Variants in THSD7A observed in about 807,000 individuals in gnomAD.
The protein encoded by THSD7A is thrombospondin type-1 domain-containing protein 7A.
THSD7A carries 96 observed loss-of-function variants against 231.3 expected under a neutral mutation model. The ratio of observed to expected loss-of-function variants is 0.41; its 90% CI spans 0.35 to 0.49. The LOEUF (loss-of-function observed/expected upper bound fraction) is 0.49. Ranked by LOEUF, THSD7A falls within the 20% of genes least tolerant of loss-of-function variation. THSD7A has a pLI of 0.05. For missense variants in THSD7A, 2,290 were observed against 2,070.2 expected (o/e 1.11, Z -2.06); for synonymous variants, 940 against 743.3 (o/e 1.26, Z -4.30).
chr7:11,827,438 T>C (rs1275586249), intron 1 of THSD7A, among the ~76,000 whole-genome samples: 1 of 152,188 alleles, frequency 6.6e-6, no homozygotes, highest in Non-Finnish European at 1.5e-5. Flanking sequence ...ATTCCTTTCC[T>C]AGCCTTTCTA....
At chr7:11,776,012 AT>A (rs1174087076) in intron 1 of THSD7A, among the ~76,000 whole-genome samples, 3 of 152,170 alleles carry the variant, frequency 2.0e-5, no homozygotes, top group African/African-American at 7.2e-5. Flanking sequence ...AATAAATGAG[AT>A]TTGATATTCT....
At chr7:11,807,447 T>G (rs1784427540) in intron 1 of THSD7A, among the ~76,000 whole-genome samples, 1 of 152,100 alleles carries the variant, frequency 6.6e-6, no homozygotes, top group African/African-American at 2.4e-5. Flanking sequence ...ATTAATCAAG[T>G]AAAACCCTGC....
At chr7:11,709,755 G>A (rs1780889656) in intron 1 of THSD7A, among the ~76,000 whole-genome samples, 1 of 150,770 alleles carries the variant, frequency 6.6e-6, no homozygotes, top group South Asian at 2.1e-4. Flanking sequence ...CTTATATTTA[G>A]AAGGTAAATC....
intron 1 of THSD7A, among the ~76,000 whole-genome samples, chr7:11,770,992 A>G (rs1783208248): frequency 6.6e-6 from 1 of 151,390 alleles, no homozygotes; most frequent in Non-Finnish European, 1.5e-5. Context: ...TTTTTGATAC[A>G]TAGAAGACTA....
At chr7:11,511,045 G>A (rs922432940) in intron 6 of THSD7A, among the ~76,000 whole-genome samples, 2 of 152,128 alleles carry the variant, frequency 1.3e-5, no homozygotes, top group Non-Finnish European at 2.9e-5. Flanking sequence ...CATCGTCTCA[G>A]CCCAAAATCT....
At chr7:11,625,110 T>A (rs1311621680) in intron 2 of THSD7A, among the ~76,000 whole-genome samples, 1 of 152,116 alleles carries the variant, frequency 6.6e-6, no homozygotes, top group African/African-American at 2.4e-5. Context: ...CATCTCTGTT[T>A]CAGTATCTGT....
intron 24 of THSD7A, among the ~76,000 whole-genome samples, chr7:11,381,593 G>T (rs1240379597): frequency 6.6e-6 from 1 of 152,150 alleles, no homozygotes; most frequent in Non-Finnish European, 1.5e-5. Context: ...GGTCAAAACA[G>T]CAGCAAGTAA....
chr7:11,640,368 C>T (rs922844480), intron 1 of THSD7A, among the ~76,000 whole-genome samples: 6 of 152,046 alleles, frequency 3.9e-5, no homozygotes. Context: ...ACAAAATGTG[C>T]TTTTCCTTTA....
rs566698506 is a variant in THSD7A, at chr7:11,708,365, T to A, written c.191-71404A>T. 2.0e-5 allele frequency among the ~76,000 whole-genome samples: 3 copies of A among 150,762 alleles called. No homozygotes were observed. In the Admixed American group the frequency reaches 2.0e-4, roughly 10 times the overall value. On this transcript the variant is annotated intron_variant, in intron 1 of 27. Coordinates refer to ENST00000423059, the MANE Select transcript of THSD7A (RefSeq NM_015204.3). ...AAAGGTTTGAGAAAGTTTCCATATG[T>A]TTGTAAAACAAAATAACCATCAATG... is the stretch of plus-strand genomic sequence containing the variant.
chr7:11,610,526 A>C (rs1321658449), intron 2 of THSD7A, among the ~76,000 whole-genome samples: 1 of 152,120 alleles, frequency 6.6e-6, no homozygotes, highest in Non-Finnish European at 1.5e-5. Context: ...GATCCTACCC[A>C]CTACTCAATA....
At chr7:11,392,530 C>T (rs796935098) in intron 23 of THSD7A, among the ~76,000 whole-genome samples, 4 of 147,752 alleles carry the variant, frequency 2.7e-5, no homozygotes, top group Non-Finnish European at 4.6e-5. Flanking sequence ...CCAGCAGGAC[C>T]GAACTATTCA....
chr7:11,786,451 T>C (rs1263906146), intron 1 of THSD7A, among the ~76,000 whole-genome samples: 1 of 152,036 alleles, frequency 6.6e-6, no homozygotes, highest in Non-Finnish European at 1.5e-5. Flanking sequence ...TTAAGCCTGG[T>C]GGAGCAGCAC....
At chr7:11,388,850 C>T (rs919537651) in intron 23 of THSD7A, among the ~76,000 whole-genome samples, 2 of 151,248 alleles carry the variant, frequency 1.3e-5, no homozygotes, top group African/African-American at 4.8e-5. Context: ...TCATTGCTTT[C>T]AGAGAATATT....
In THSD7A at chr7:11,371,227, T is replaced by C. The variant is rs886624131; in HGVS notation, c.*4567A>G. Reference sequence around the variant, plus strand: ...GTCCCTGCTAGATATAAAATTATTATAACACACTGCAAACCATCCTTTTTA... The same window carrying C: ...GTCCCTGCTAGATATAAAATTATTACAACACACTGCAAACCATCCTTTTTA... On this transcript the variant is annotated 3_prime_UTR_variant, in exon 28 of 28. Coordinates refer to ENST00000423059, the MANE Select transcript of THSD7A (RefSeq NM_015204.3). 6.6e-6 allele frequency: 1 copy of C among 152,208 alleles called. No homozygotes were observed. The highest frequency in any genetic ancestry group is 1.5e-5 in the Non-Finnish European group (1 of 68,034). 9.4% of individuals were successfully genotyped at this position (152,208 alleles called of 1,614,324 possible). A position where few individuals can be genotyped will look rare whatever the true frequency, so the allele number is the denominator to read the frequency against.
chr7:11,714,179 G>GTGT (rs1204807769), intron 1 of THSD7A, among the ~76,000 whole-genome samples: 2 of 151,120 alleles, frequency 1.3e-5, no homozygotes, highest in African/African-American at 4.8e-5. Context: ...ACCTCTAAAT[G>GTGT]TGTTAATAAA....
chr7:11,810,365 C>T (rs927996068), intron 1 of THSD7A, among the ~76,000 whole-genome samples: 2 of 152,172 alleles, frequency 1.3e-5, no homozygotes, highest in Admixed American at 6.5e-5. Context: ...CTTGGCCCTT[C>T]CTTGCCCATC....
intron 16 of THSD7A, among the ~76,000 whole-genome samples, chr7:11,422,263 A>T (rs576241071): frequency 6.6e-6 from 1 of 152,336 alleles, no homozygotes; most frequent in South Asian, 2.1e-4. Flanking sequence ...CACTTCTACC[A>T]CCACTCCTTG....
intron 4 of THSD7A, among the ~76,000 whole-genome samples, chr7:11,551,384 G>T (rs757033973): frequency 2.6e-5 from 4 of 151,984 alleles, no homozygotes; most frequent in Non-Finnish European, 5.9e-5. Flanking sequence ...CACAGCAAAA[G>T]AAACTATCCA....
chr7:11,697,479 T>C (rs2128143610), intron 1 of THSD7A, among the ~76,000 whole-genome samples: 1 of 151,510 alleles, frequency 6.6e-6, no homozygotes, highest in East Asian at 2.0e-4. Flanking sequence ...ACATAGTATT[T>C]TGTATGATAT....
Sources: gnomAD v4.1 joint callset for allele counts (sites outside exome capture counted in the v4.1 genomes callset) on GRCh38, gnomAD v4.1.1 for gene constraint, MANE v1.5 for transcripts, NCBI Gene and HGNC (gene_info 2026-07-23, HGNC 2026-07-21) for gene names.